The following RAG1 variants were observed in gnomAD, a reference collection of about 807,000 sequenced individuals.
The protein encoded by RAG1 is recombination activating 1.
Under a neutral mutation model 62.7 loss-of-function variants are expected in RAG1, and 35 were observed. That is an observed-to-expected ratio of 0.56 (90% confidence interval 0.43 to 0.74). RAG1 has a LOEUF of 0.74. Among genes scored for constraint, RAG1 ranks in the 30% least tolerant of loss-of-function variants. The pLI is 0.00. For missense variants in RAG1, 1,169 were observed against 1,278.6 expected, an observed-to-expected ratio of 0.91 and a Z score of 1.31; for synonymous variants, 461 against 470.3, an observed-to-expected ratio of 0.98 and a Z score of 0.26.
At chr11:36,542,063 T>C (rs1000879146) in intron 3 of RAG1, among the ~76,000 whole-genome samples, 2 of 152,266 alleles carry the variant, frequency 1.3e-5, no homozygotes, top group African/African-American at 4.8e-5. Flanking sequence ...TGCAAGACTG[T>C]CATTAAAAGT....
chr11:36,574,450 A>C lies in RAG1; in HGVS notation c.1146A>C (p.Ser382=). The change falls in exon 2 of 2, where the codon TCA becomes TCC. Residue 382 remains serine (S), a synonymous_variant. Coordinates refer to ENST00000299440, the MANE Select transcript of RAG1 (RefSeq NM_000448.3). ...ACCACATCTCAAGTCACAAGGAATC[A>C]AAAGAGATTTTTGTGCACATTAATA... ...YNHHISSHKE[S]KEIFVHINKG... The C allele has an allele frequency of 6.2e-7, 1 of 1,614,206 alleles. No homozygotes were observed. The highest frequency in any genetic ancestry group is 8.5e-7 in the Non-Finnish European group (1 of 1,180,044).
chr11:36,538,462 T>C (rs185352338), downstream of RAG1, among the ~76,000 whole-genome samples: 8 of 152,328 alleles, frequency 5.3e-5, no homozygotes, highest in African/African-American at 1.9e-4. Context: ...TTCGATAGGT[T>C]ATTATTTGGA....
chr11:36,575,125 C>A lies in RAG1; in HGVS notation c.1821C>A (p.Asp607Glu), dbSNP rs183806098. 6.2e-7 allele frequency: 1 copy of A among 1,613,972 alleles called. No individual in the cohort carries two copies. Among genetic ancestry groups the A allele is most frequent in the Non-Finnish European group, 8.5e-7 (1 of 1,180,018 alleles). ...VVKESCDGMG[D>E]VSEKHGSGPV... Reference sequence around the variant, plus strand: ...AGGAGTCTTGTGATGGAATGGGAGACGTGAGTGAGAAGCATGGGAGTGGGC... The same window carrying A: ...AGGAGTCTTGTGATGGAATGGGAGAAGTGAGTGAGAAGCATGGGAGTGGGC... The change falls in exon 2 of 2, where the codon GAC (aspartate) becomes GAA (glutamate). Residue 607 changes from aspartate (D) to glutamate (E), a missense_variant. Transcript: ENST00000299440. This position sits in a 1 kb window ranked among gnomAD's most constrained non-coding sequence, Gnocchi z 4.1.
intron 3 of RAG1, among the ~76,000 whole-genome samples, chr11:36,546,331 T>C (rs1487237685): frequency 6.6e-6 from 1 of 152,228 alleles, no homozygotes; most frequent in Non-Finnish European, 1.5e-5. Flanking sequence ...CATAATGTAA[T>C]GCTCTTCTTT....
At chr11:36,517,537 G>A (rs1412578729) in intron 1 of RAG1, among the ~76,000 whole-genome samples, 1 of 152,190 alleles carries the variant, frequency 6.6e-6, no homozygotes, top group African/African-American at 2.4e-5. Context: ...GTGTGTGTGT[G>A]TTTGAGTGTG....
At chr11:36,514,490 A>G (rs1490277306) in intron 1 of RAG1, among the ~76,000 whole-genome samples, 1 of 152,210 alleles carries the variant, frequency 6.6e-6, no homozygotes, top group Non-Finnish European at 1.5e-5. Context: ...CAAGTGCATT[A>G]CATTTATTGC....
At chr11:36,520,295 G>A (rs1159854746) in intron 2 of RAG1, 1 of 151,944 alleles carries the variant, frequency 6.6e-6, no homozygotes, top group Non-Finnish European at 1.5e-5. Context: ...TTTAGACAAA[G>A]TCTTGCTCTG....
intron 3 of RAG1, among the ~76,000 whole-genome samples, chr11:36,560,321 C>G (rs1850564697): frequency 6.6e-6 from 1 of 152,078 alleles, no homozygotes. Flanking sequence ...CATGGCAGTG[C>G]CCCTGGTCTT....
At chr11:36,548,279 A>G (rs905473151) in intron 3 of RAG1, among the ~76,000 whole-genome samples, 16 of 152,232 alleles carry the variant, frequency 1.1e-4, no homozygotes, top group African/African-American at 3.6e-4. Context: ...GGCCAAGGCA[A>G]TCAGGCAAGA....
downstream of RAG1, among the ~76,000 whole-genome samples, chr11:36,536,913 C>T (rs1418707088): frequency 1.3e-5 from 2 of 149,124 alleles, no homozygotes; most frequent in African/African-American, 5.0e-5. Context: ...CGCCTGCCAC[C>T]ACGCCCGGCT....
chr11:36,559,934 C>T (rs1039044218), intron 3 of RAG1, among the ~76,000 whole-genome samples: 2 of 152,148 alleles, frequency 1.3e-5, no homozygotes, highest in Admixed American at 6.5e-5. Flanking sequence ...TGCTTTTTCA[C>T]GTTTCTTGTG....
At chr11:36,521,467 C>T (rs1860079218) in intron 2 of RAG1, among the ~76,000 whole-genome samples, 1 of 152,136 alleles carries the variant, frequency 6.6e-6, no homozygotes, top group South Asian at 2.1e-4. Context: ...TTTCATCTAC[C>T]ATGATTGTGA....
At chr11:36,564,816 C>T (rs142639510), upstream of RAG1, among the ~76,000 whole-genome samples, 280 of 152,288 alleles carry the variant, frequency 1.8e-3, no homozygotes, top group African/African-American at 6.5e-3. Context: ...CCCAGGGCTC[C>T]GATCTAGCGA....
intron 3 of RAG1, among the ~76,000 whole-genome samples, chr11:36,549,837 A>G (rs772002606): frequency 6.6e-6 from 1 of 152,066 alleles, no homozygotes; most frequent in African/African-American, 2.4e-5. Context: ...GCAGCACTGT[A>G]CACAATAGCA....
At chr11:36,531,306 A>G (rs530228815) in intron 2 of RAG1, among the ~76,000 whole-genome samples, 1 of 152,014 alleles carries the variant, frequency 6.6e-6, no homozygotes, top group South Asian at 2.1e-4. Flanking sequence ...TGTAATTGGT[A>G]TATTAAGGCC....
intron 2 of RAG1, among the ~76,000 whole-genome samples, chr11:36,534,111 T>A (rs1045284365): frequency 1.3e-5 from 2 of 152,110 alleles, no homozygotes; most frequent in African/African-American, 4.8e-5. Context: ...AATATTTATA[T>A]CTATTTCATA....
intron 2 of RAG1, among the ~76,000 whole-genome samples, chr11:36,528,174 A>C (rs1860194945): frequency 6.6e-6 from 1 of 152,146 alleles, no homozygotes; most frequent in African/African-American, 2.4e-5. Flanking sequence ...CTCCACCCCA[A>C]ATCAACAGAA....
In RAG1 at chr11:36,574,775, G is replaced by A; in HGVS notation, c.1471G>A (p.Val491Met). Residue 491 changes from valine (V) to methionine (M), a missense_variant, in exon 2 of 2, where the codon GTG becomes ATG. Coordinates refer to ENST00000299440, the MANE Select transcript of RAG1 (RefSeq NM_000448.3). ...CSQYHKMYRT[V>M]KAITGRQIFQ... ...TCAGTACCACAAGATGTACAGGACT[G>A]TGAAAGCCATCACAGGGAGACAGAT... 6.2e-7 allele frequency: 1 copy of A among 1,614,236 alleles called. No individual in the cohort carries two copies.
chr11:36,531,502 A>G (rs1434456057), intron 2 of RAG1, among the ~76,000 whole-genome samples: 1 of 151,792 alleles, frequency 6.6e-6, no homozygotes, highest in African/African-American at 2.4e-5. Context: ...TTTTTGCTCT[A>G]GGCATTACAT....
Sources: allele counts gnomAD v4.1 joint callset (sites outside exome capture counted in the v4.1 genomes callset), GRCh38; gene constraint gnomAD v4.1.1; non-coding constraint Gnocchi (gnomAD v3.1); transcripts MANE v1.5; gene names NCBI Gene and HGNC (gene_info 2026-07-23, HGNC 2026-07-21).